Variants in DMD observed in about 807,000 individuals in gnomAD.
DMD encodes mutant dystrophin.
In DMD, 63 loss-of-function variants were observed where a neutral mutation model predicts 330.1. That is an observed-to-expected ratio of 0.19 (90% CI 0.16 to 0.24). The LOEUF is 0.24. Among genes scored for constraint, DMD ranks in the 10% least tolerant of loss-of-function variants. The pLI is 1.00. For missense variants in DMD, 3,344 were observed against 2,684.1 expected, an observed-to-expected ratio of 1.25 and a Z score of -5.43; for synonymous variants, 1,223 against 959.8, an observed-to-expected ratio of 1.27 and a Z score of -5.07.
intron 41 of DMD, among the ~76,000 whole-genome samples, chrX:32,337,306 A>G (rs1420625655): frequency 9.1e-6 from 1 of 109,743 alleles, no homozygotes; most frequent in Admixed American, 9.9e-5. Flanking sequence ...ATGCCAATTA[A>G]CGTAGATGGG....
At chrX:32,140,966 A>G (rs755026288) in intron 44 of DMD, among the ~76,000 whole-genome samples, 8 of 111,672 alleles carry the variant, frequency 7.2e-5, no homozygotes, top group Non-Finnish European at 1.3e-4. Flanking sequence ...ATTTTGCTCA[A>G]ACAAGGCAGA....
rs981046317 is a variant in DMD at position 33,269,332 on chromosome X, C to T, written c.7+69927G>A. 1.2e-4 allele frequency among the ~76,000 whole-genome samples: 13 copies of T among 110,843 alleles called. 1 individual carries two copies. Among genetic ancestry groups the T allele is most frequent in the Non-Finnish European group, 2.5e-4 (13 of 53,005 alleles). ...GGACATTATATTAAGCGAAGTAATG[C>T]AAGAACAGAAAACCAAATGCCACAT... is the stretch of plus-strand genomic sequence containing the variant. On this transcript the variant is annotated intron_variant, in intron 1 of 17. Coordinates refer to the DMD transcript ENST00000288447.
intron 50 of DMD, among the ~76,000 whole-genome samples, chrX:31,806,299 ATTCTTG>A (rs2092289977): frequency 1.8e-5 from 2 of 112,078 alleles, no homozygotes; most frequent in African/African-American, 6.5e-5. Flanking sequence ...TGGTGAATAA[ATTCTTG>A]TTCTCACTAC....
At position 32,782,752 on chromosome X, in the gene DMD, G is replaced by A. The variant is rs148082680; in HGVS notation, c.649+26741C>T. Among the ~76,000 whole-genome samples the A allele has an allele frequency of 8.5e-3, 933 of 109,805 alleles. 15 individuals are homozygous for A. The highest frequency in any genetic ancestry group is 0.029 in the African/African-American group (876 of 30,187). ...ATTGTGCATTTGAAAATAACTTCAA[G>A]AGTGTAATTAGTTTATAACTCAAAG... On this transcript the variant is annotated intron_variant, in intron 7 of 78. Coordinates refer to ENST00000357033, the MANE Select transcript of DMD (RefSeq NM_004006.3).
chrX:32,269,746 A>G (rs2148341083), intron 43 of DMD, among the ~76,000 whole-genome samples: 1 of 112,269 alleles, frequency 8.9e-6, no homozygotes, highest in Non-Finnish European at 1.9e-5. Flanking sequence ...ATTCTAAATA[A>G]ATACTTTTAA....
intron 51 of DMD, among the ~76,000 whole-genome samples, chrX:31,768,879 C>T (rs908222098): frequency 2.7e-5 from 3 of 111,846 alleles, no homozygotes; most frequent in African/African-American, 6.5e-5. Context: ...ATATTTTCTA[C>T]TGTCTAAAAT....
At chrX:32,131,939 T>C (rs191707815) in intron 44 of DMD, among the ~76,000 whole-genome samples, 2 of 111,398 alleles carry the variant, frequency 1.8e-5, no homozygotes, top group East Asian at 5.7e-4. Context: ...AAAAAGCATA[T>C]CTGTCATATC....
intron 29 of DMD, among the ~76,000 whole-genome samples, chrX:32,418,703 T>G (rs1176383426): frequency 9.0e-6 from 1 of 110,949 alleles, no homozygotes; most frequent in East Asian, 2.8e-4. Context: ...AAATTGGTTC[T>G]TACAATTTTT....
chrX:31,333,917 G>C (rs1167967297), intron 61 of DMD, among the ~76,000 whole-genome samples: 1 of 110,728 alleles, frequency 9.0e-6, no homozygotes, highest in African/African-American at 3.3e-5. Context: ...CACGAAACTG[G>C]AAAGGGAGAT....
intron 2 of DMD, among the ~76,000 whole-genome samples, chrX:32,994,774 T>G (rs886911473): frequency 8.9e-6 from 1 of 112,017 alleles, no homozygotes; most frequent in Non-Finnish European, 1.9e-5. Context: ...ATTCATAGAT[T>G]AAAATATCAC....
At chrX:31,990,350 G>A (rs1159788789) in intron 44 of DMD, among the ~76,000 whole-genome samples, 1 of 111,672 alleles carries the variant, frequency 9.0e-6, no homozygotes, top group African/African-American at 3.3e-5. Flanking sequence ...AAATAACATA[G>A]TTTCTCCTAA....
chrX:32,859,815 A>AT (rs1298399396), intron 2 of DMD, among the ~76,000 whole-genome samples: 1 of 111,075 alleles, frequency 9.0e-6, no homozygotes, highest in Non-Finnish European at 1.9e-5. Flanking sequence ...TAAGAACAAT[A>AT]TTTTTTCTTT....
At chrX:32,235,858 G>A (rs379514) in intron 43 of DMD, among the ~76,000 whole-genome samples, 33,777 of 109,441 alleles carry the variant, frequency 0.31, 3,945 homozygotes, top group East Asian at 0.53. Flanking sequence ...TTTTAACTAT[G>A]AAAATATTGT....
chrX:33,129,892 T>G (rs2095489332), intron 1 of DMD, among the ~76,000 whole-genome samples: 1 of 111,850 alleles, frequency 8.9e-6, no homozygotes, highest in Non-Finnish European at 1.9e-5. Flanking sequence ...TTGAGGGTAT[T>G]TCTTCTGTGG....
At chrX:31,306,162 G>C (rs1022010313) in intron 62 of DMD, among the ~76,000 whole-genome samples, 28 of 110,657 alleles carry the variant, frequency 2.5e-4, no homozygotes, top group Non-Finnish European at 4.9e-4. Flanking sequence ...ATGGAGAATT[G>C]CCCAATTAGG....
chrX:32,317,630 T>C (rs868712180), intron 41 of DMD, among the ~76,000 whole-genome samples: 1 of 111,605 alleles, frequency 9.0e-6, no homozygotes, highest in African/African-American at 3.2e-5. Context: ...CTCCTTTAAA[T>C]GCATTGAGGT....
At chrX:31,637,745 T>C (rs1224151114) in intron 54 of DMD, among the ~76,000 whole-genome samples, 1 of 111,730 alleles carries the variant, frequency 9.0e-6, no homozygotes, top group African/African-American at 3.2e-5. Context: ...AATAATAATT[T>C]ATATTTATAT....
intron 9 of DMD, among the ~76,000 whole-genome samples, chrX:32,653,982 G>A (rs2146975505): frequency 8.9e-6 from 1 of 112,010 alleles, no homozygotes; most frequent in Non-Finnish European, 1.9e-5. Context: ...GAATGCTTGT[G>A]ATTTTTGCAC....
chrX:32,200,905 G>A (rs2097032560), intron 44 of DMD, among the ~76,000 whole-genome samples: 1 of 111,055 alleles, frequency 9.0e-6, no homozygotes, highest in Non-Finnish European at 1.9e-5. Flanking sequence ...TTATTGTCAG[G>A]CAAATTTCAA....
Sources: gnomAD v4.1 joint callset for allele counts (sites outside exome capture counted in the v4.1 genomes callset) on GRCh38, gnomAD v4.1.1 for gene constraint, MANE v1.5 for transcripts, NCBI Gene and HGNC (gene_info 2026-07-23, HGNC 2026-07-21) for gene names.